ALG14: variants seen among roughly 807,000 people sequenced by gnomAD.
ALG14 encodes the protein UDP-N-acetylglucosamine transferase subunit ALG14.
A neutral mutation model predicts 22.8 loss-of-function variants in ALG14; 17 were observed. The observed-to-expected ratio is 0.75, with a 90% CI of 0.51 to 1.12. The LOEUF (loss-of-function observed/expected upper bound fraction) is 1.12. Ranked by LOEUF, ALG14 falls within the 50% of genes most tolerant of loss-of-function variation. ALG14 has a pLI of 0.00. For missense variants in ALG14, 288 were observed against 271.8 expected (o/e 1.06, Z -0.42); for synonymous variants, 89 against 103.7 (o/e 0.86, Z 0.86).
At chr1:95,030,471 G>A (rs1388608917) in intron 2 of ALG14, among the ~76,000 whole-genome samples, 4 of 152,052 alleles carry the variant, frequency 2.6e-5, no homozygotes, top group East Asian at 3.9e-4. Flanking sequence ...TTTTTTGGCT[G>A]TTACTTCCAC....
intron 2 of ALG14, among the ~76,000 whole-genome samples, chr1:95,041,050 A>G (rs181884816): frequency 1.5e-3 from 227 of 152,370 alleles, no homozygotes; most frequent in Non-Finnish European, 2.5e-3. Context: ...CTTTAAAAGC[A>G]TGTATATATC....
chr1:95,003,813 T>C (rs988834372), intron 3 of ALG14, among the ~76,000 whole-genome samples: 2 of 151,796 alleles, frequency 1.3e-5, no homozygotes, highest in African/African-American at 4.8e-5. Flanking sequence ...AGCACTTTTG[T>C]TTTCTTTTAA....
At chr1:95,048,606 A>G (rs1310356214) in intron 2 of ALG14, among the ~76,000 whole-genome samples, 1 of 152,050 alleles carries the variant, frequency 6.6e-6, no homozygotes, top group South Asian at 2.1e-4. Flanking sequence ...TTCTGATTTG[A>G]GTTTTCATTT....
At chr1:95,017,233 A>G (rs1363589629) in intron 3 of ALG14, among the ~76,000 whole-genome samples, 1 of 152,126 alleles carries the variant, frequency 6.6e-6, no homozygotes, top group Non-Finnish European at 1.5e-5. Flanking sequence ...ATCTGAATAA[A>G]GTCCATCAGT....
At position 94,982,524 on chromosome 1, in the gene ALG14, G is replaced by A. The variant is rs1672519689; in HGVS notation, c.*552C>T. 1 of 152,894 alleles carries A rather than the reference G, an allele frequency of 6.5e-6. No individual in the cohort carries two copies. The highest frequency in any genetic ancestry group is 2.4e-5 in the African/African-American group (1 of 41,422). The allele number at this position is 152,894 out of a possible 1,614,324, so 9.5% of individuals were successfully genotyped here. A position where few individuals can be genotyped will look rare whatever the true frequency, so the allele number is the denominator to read the frequency against. On this transcript the variant is annotated 3_prime_UTR_variant, in exon 4 of 4. Coordinates refer to ENST00000370205, the MANE Select transcript of ALG14 (RefSeq NM_144988.4). ...ATACTGGTTTATGCTCAAGGTTCTG[G>A]AGGCTTGTGGAGTGCAAATTGTCAT...
At chr1:95,062,460 C>T (rs576129991) in intron 2 of ALG14, among the ~76,000 whole-genome samples, 1 of 152,112 alleles carries the variant, frequency 6.6e-6, no homozygotes, top group African/African-American at 2.4e-5. Flanking sequence ...CAACCCCTCC[C>T]TTCAACAGGC....
chr1:95,016,320 A>C (rs1230908040), intron 3 of ALG14, among the ~76,000 whole-genome samples: 2 of 151,970 alleles, frequency 1.3e-5, no homozygotes, highest in African/African-American at 4.8e-5. Context: ...TGGACAAGGC[A>C]CTCCCTTCTT....
chr1:95,013,314 G>C (rs1011785335), intron 3 of ALG14, among the ~76,000 whole-genome samples: 3 of 151,688 alleles, frequency 2.0e-5, no homozygotes, highest in Non-Finnish European at 2.9e-5. Flanking sequence ...ATGGAAATAA[G>C]TTTCCTGCTC....
chr1:95,032,641 G>A (rs1051840453), intron 2 of ALG14, among the ~76,000 whole-genome samples: 2 of 152,100 alleles, frequency 1.3e-5, no homozygotes, highest in Admixed American at 1.3e-4. Context: ...AGAGCAGCAG[G>A]GCATCCCCTT....
intron 2 of ALG14, chr1:95,041,560 A>G (rs1332050757): frequency 2.0e-5 from 3 of 151,206 alleles, no homozygotes; most frequent in African/African-American, 7.3e-5. Context: ...AGATGCAGTG[A>G]GCTATGATTG....
intron 2 of ALG14, among the ~76,000 whole-genome samples, chr1:95,039,434 A>G (rs57122039): frequency 0.047 from 7,163 of 152,140 alleles, 229 homozygotes; most frequent in African/African-American, 0.085. Context: ...AGGTAGAGGA[A>G]TGGAGATGAC....
At chr1:95,016,898 A>G (rs1157859027) in intron 3 of ALG14, among the ~76,000 whole-genome samples, 1 of 150,380 alleles carries the variant, frequency 6.6e-6, no homozygotes, top group Admixed American at 6.6e-5. Flanking sequence ...AGGGCTGCTT[A>G]ACATCCATCC....
At chr1:95,000,158 C>A (rs1416438211) in intron 3 of ALG14, among the ~76,000 whole-genome samples, 1 of 152,148 alleles carries the variant, frequency 6.6e-6, no homozygotes, top group Non-Finnish European at 1.5e-5. Context: ...TTTGAAGGCT[C>A]ACCTGAATTA....
intron 1 of ALG14, among the ~76,000 whole-genome samples, chr1:95,069,617 T>C (rs1314390722): frequency 2.6e-5 from 4 of 152,194 alleles, no homozygotes; most frequent in South Asian, 2.1e-4. Flanking sequence ...TACCTCCTTA[T>C]ACCAGAATGT....
intron 3 of ALG14, among the ~76,000 whole-genome samples, chr1:94,994,293 G>T (rs1185539935): frequency 6.6e-6 from 1 of 152,168 alleles, no homozygotes; most frequent in Non-Finnish European, 1.5e-5. Context: ...TTCACAGAGG[G>T]TTTTAAACCC....
chr1:95,037,600 G>A (rs140159528), intron 2 of ALG14, among the ~76,000 whole-genome samples: 14 of 152,286 alleles, frequency 9.2e-5, no homozygotes, highest in African/African-American at 2.9e-4. Flanking sequence ...CTGGGCAACC[G>A]GACCAAGCCT....
At position 94,981,678 on chromosome 1, in the gene ALG14, GTTTT is replaced by G. The variant is rs1672496043; in HGVS notation, c.*1394_*1397del. On this transcript the variant is annotated 3_prime_UTR_variant, in exon 4 of 4. Coordinates refer to ENST00000370205, the MANE Select transcript of ALG14 (RefSeq NM_144988.4). ...TCTTCTCTTTTCTGTTTTTTATTTT[GTTTT>G]GTTTTTTTTTTTTTTGGCTGCTTTG... 7.5e-6 allele frequency: 1 copy of G among 133,576 alleles called. No homozygotes were observed. The highest frequency in any genetic ancestry group is 2.6e-5 in the African/African-American group (1 of 37,844). 8.3% of individuals were successfully genotyped at this position (133,576 alleles called of 1,614,324 possible). A position where few individuals can be genotyped will look rare whatever the true frequency, so the allele number is the denominator to read the frequency against.
At chr1:94,999,620 C>G (rs987354526) in intron 3 of ALG14, among the ~76,000 whole-genome samples, 1 of 152,132 alleles carries the variant, frequency 6.6e-6, no homozygotes, top group Non-Finnish European at 1.5e-5. Context: ...CCAGCTCCCT[C>G]CTGAGGGACT....
chr1:95,017,040 T>C (rs1673522647), intron 3 of ALG14, among the ~76,000 whole-genome samples: 1 of 148,908 alleles, frequency 6.7e-6, no homozygotes, highest in Non-Finnish European at 1.5e-5. Context: ...GTCCCAATAC[T>C]GACCAACTAT....
Sources: gnomAD v4.1 joint callset for allele counts (sites outside exome capture counted in the v4.1 genomes callset) on GRCh38, gnomAD v4.1.1 for gene constraint, MANE v1.5 for transcripts, NCBI Gene and HGNC (gene_info 2026-07-23, HGNC 2026-07-21) for gene names.